The following VWA3B variants were observed in gnomAD, a reference collection of about 807,000 sequenced individuals.
VWA3B encodes von Willebrand factor A domain-containing protein 3B.
In VWA3B, 138 loss-of-function variants were observed where a neutral mutation model predicts 158.3. The observed-to-expected ratio is 0.87, with a 90% CI of 0.76 to 1.00. VWA3B has a LOEUF of 1.00. VWA3B is among the 50% of genes least tolerant of loss of function. The pLI is 0.00. For missense variants in VWA3B, 1,555 were observed against 1,565.1 expected (o/e 0.99, Z 0.11); for synonymous variants, 596 against 587.3 (o/e 1.01, Z -0.21).
chr2:98,087,558 CG>C (rs757991029), intron 1 of VWA3B, among the ~76,000 whole-genome samples, 195 bp downstream of exon 1: 24 of 152,238 alleles, frequency 1.6e-4, no homozygotes, highest in Admixed American at 9.2e-4. Flanking sequence ...CAGGGCAAGC[CG>C]AGGGTCAAGG....
chr2:98,300,735 C>T (rs575155127), intron 25 of VWA3B, among the ~76,000 whole-genome samples: 7 of 152,228 alleles, frequency 4.6e-5, no homozygotes, highest in African/African-American at 1.7e-4. Flanking sequence ...CCCTGAGCTC[C>T]AACCCTGTGC....
chr2:98,141,904 C>A (rs923731984), intron 7 of VWA3B, among the ~76,000 whole-genome samples: 1 of 152,164 alleles, frequency 6.6e-6, no homozygotes, highest in African/African-American at 2.4e-5. Context: ...GTGACACTGC[C>A]TGAGGTCCTG....
chr2:98,291,012 A>C (rs62155283), intron 23 of VWA3B: 7,523 of 185,308 alleles, frequency 0.041, 213 homozygotes, highest in Non-Finnish European at 0.061. Context: ...CAGATAAAAT[A>C]TGTGGTGTGT....
In VWA3B at chr2:98,128,400, C is replaced by T. The variant is rs1675553763; in HGVS notation, c.864C>T (p.Thr288=). The T allele has an allele frequency of 6.2e-7, 1 of 1,612,644 alleles. No individual in the cohort carries two copies. Among genetic ancestry groups the T allele is most frequent in the African/African-American group, 1.3e-5 (1 of 74,856 alleles). ...TTCTAAAGGATCTGAGTGCCAAGAC[C>T]CACAGCAGGTAGGCAGAAAATGTGC... ...IAFLKDLSAK[T]HSRFHAFAER... is the part of the protein sequence containing the mutation. Residue 288 remains threonine (T), a synonymous_variant, in exon 6 of 28, where the codon ACC becomes ACT. Transcript: ENST00000477737.
chr2:98,296,686 C>A (rs976355274), intron 23 of VWA3B, among the ~76,000 whole-genome samples: 2 of 152,136 alleles, frequency 1.3e-5, no homozygotes, highest in African/African-American at 4.8e-5. Context: ...CGCGTGTGCT[C>A]ATTTCTGTCT....
intron 9 of VWA3B, among the ~76,000 whole-genome samples, chr2:98,182,797 G>T (rs1444606801): frequency 6.6e-6 from 1 of 152,196 alleles, no homozygotes; most frequent in Admixed American, 6.5e-5. Context: ...GCACGTGCCT[G>T]TAATCCCAGC....
intron 10 of VWA3B, among the ~76,000 whole-genome samples, chr2:98,188,703 A>G (rs1681332872): frequency 6.6e-6 from 1 of 152,224 alleles, no homozygotes; most frequent in Non-Finnish European, 1.5e-5. Flanking sequence ...GTAGTACTCC[A>G]TGGTGTATAT....
intron 24 of VWA3B, 151 bp downstream of exon 24, chr2:98,298,182 G>T (rs923349727): frequency 3.7e-6 from 4 of 1,091,842 alleles, no homozygotes; most frequent in Admixed American, 3.5e-5. Context: ...AATGGCCCCT[G>T]TTCTGGGACC....
intron 22 of VWA3B, among the ~76,000 whole-genome samples, chr2:98,277,012 C>A (rs894851188): frequency 2.0e-5 from 3 of 152,174 alleles, no homozygotes; most frequent in Non-Finnish European, 4.4e-5. Flanking sequence ...GCTTTTTATG[C>A]TCCAGCTTCC....
rs1226543260 is a variant in VWA3B at position 98,128,220 on chromosome 2, T to C, written c.703-19T>C. 1 of 1,612,646 alleles carries C rather than the reference T, an allele frequency of 6.2e-7. No homozygotes were observed. The highest frequency in any genetic ancestry group is 8.5e-7 in the Non-Finnish European group (1 of 1,178,864). On this transcript the variant is annotated intron_variant, in intron 5 of 27. Transcript: ENST00000477737. Reference sequence around the variant, plus strand: ...AGGGCATGTGAGGGAGATAAACCGTTGGCACCACTGTTTTGCAGATTGAAT... The same window carrying C: ...AGGGCATGTGAGGGAGATAAACCGTCGGCACCACTGTTTTGCAGATTGAAT...
chr2:98,223,788 T>G (rs1349373757), intron 14 of VWA3B, among the ~76,000 whole-genome samples: 1 of 152,208 alleles, frequency 6.6e-6, no homozygotes, highest in Non-Finnish European at 1.5e-5. Context: ...TGGAGTGCAG[T>G]GACACAATCT....
intron 23 of VWA3B, chr2:98,290,850 A>G: frequency 2.3e-6 from 1 of 434,350 alleles, no homozygotes; most frequent in Non-Finnish European, 4.1e-6. Flanking sequence ...TTAATTTCTC[A>G]TTTTTTAGTA....
At chr2:98,223,742 G>A (rs968330299) in intron 14 of VWA3B, among the ~76,000 whole-genome samples, 15 of 152,150 alleles carry the variant, frequency 9.9e-5, no homozygotes, top group East Asian at 3.9e-4. Flanking sequence ...TTTTATTTTA[G>A]TTTTAGAGAC....
chr2:98,101,301 T>C (rs1256242411), intron 2 of VWA3B, among the ~76,000 whole-genome samples: 1 of 152,204 alleles, frequency 6.6e-6, no homozygotes, highest in Admixed American at 6.5e-5. Context: ...GTATATATAC[T>C]TTTGCATGAT....
chr2:98,314,779 T>C (rs1436774989), downstream of VWA3B, among the ~76,000 whole-genome samples: 1 of 152,104 alleles, frequency 6.6e-6, no homozygotes, highest in Non-Finnish European at 1.5e-5. Flanking sequence ...TCCCAGCACT[T>C]TGGGAGGCCG....
At chr2:98,214,302 C>T (rs1440647815) in intron 13 of VWA3B, among the ~76,000 whole-genome samples, 1 of 151,774 alleles carries the variant, frequency 6.6e-6, no homozygotes, top group African/African-American at 2.4e-5. Context: ...TAACATATCA[C>T]ATGCATTGTT....
chr2:98,173,376 T>C (rs1679753660), intron 8 of VWA3B, among the ~76,000 whole-genome samples: 1 of 152,248 alleles, frequency 6.6e-6, no homozygotes, highest in African/African-American at 2.4e-5. Context: ...GGTTGATTGA[T>C]AAGCAACAAG....
intron 12 of VWA3B, among the ~76,000 whole-genome samples, chr2:98,202,722 C>T (rs545469729): frequency 5.9e-5 from 9 of 152,154 alleles, no homozygotes; most frequent in African/African-American, 1.4e-4. Context: ...ATGTTTTCCC[C>T]GTGTCCTTTT....
chr2:98,298,798 G>T (rs917053456), intron 24 of VWA3B, among the ~76,000 whole-genome samples: 2 of 152,264 alleles, frequency 1.3e-5, no homozygotes, highest in South Asian at 4.1e-4. Flanking sequence ...AGGCTCAAGG[G>T]CGCTGTTACA....
Sources: gnomAD v4.1 joint callset for allele counts (sites outside exome capture counted in the v4.1 genomes callset) on GRCh38, gnomAD v4.1.1 for gene constraint, MANE v1.5 for transcripts, NCBI Gene and HGNC (gene_info 2026-07-23, HGNC 2026-07-21) for gene names.